ROBO1: variants seen among roughly 807,000 people sequenced by gnomAD.
ROBO1 encodes the protein roundabout guidance receptor 1, also known as roundabout homolog 1.
In ROBO1, 149 loss-of-function variants were observed where a neutral mutation model predicts 195.9. The ratio of observed to expected loss-of-function variants is 0.76; its 90% CI spans 0.67 to 0.87. The LOEUF is 0.87. ROBO1 is among the 40% of genes least tolerant of loss of function. The pLI, the probability that ROBO1 is intolerant of heterozygous loss-of-function variation, is 0.00. For synonymous variants in ROBO1, 816 were observed against 733.2 expected (o/e 1.11, Z -1.82); for missense variants, 1,933 against 2,068.3 (o/e 0.93, Z 1.27).
At chr3:78,799,772 A>C (rs2084307972) in intron 4 of ROBO1, among the ~76,000 whole-genome samples, 1 of 152,024 alleles carries the variant, frequency 6.6e-6, no homozygotes, top group Non-Finnish European at 1.5e-5. Flanking sequence ...CCTTCACTCA[A>C]GATTTTCTTG....
chr3:78,915,179 T>A (rs1464248550), intron 4 of ROBO1, among the ~76,000 whole-genome samples: 1 of 152,098 alleles, frequency 6.6e-6, no homozygotes, highest in Non-Finnish European at 1.5e-5. Flanking sequence ...AACACAATGC[T>A]CAAATATATG....
At chr3:79,412,370 T>G (rs967453432) in intron 2 of ROBO1, among the ~76,000 whole-genome samples, 10 of 152,278 alleles carry the variant, frequency 6.6e-5, no homozygotes, top group African/African-American at 2.4e-4. Context: ...TTGTCAACAT[T>G]TCTCATAACA....
At chr3:79,640,170 A>G (rs79912751) in intron 1 of ROBO1, among the ~76,000 whole-genome samples, 5,040 of 152,210 alleles carry the variant, frequency 0.033, 123 homozygotes, top group African/African-American at 0.057. Context: ...AGAAATCAGG[A>G]GAAATTTGAG....
chr3:79,071,252 C>A (rs1018079311), intron 3 of ROBO1, among the ~76,000 whole-genome samples: 16 of 151,700 alleles, frequency 1.1e-4, no homozygotes, highest in African/African-American at 3.9e-4. Context: ...ATTTTCATAT[C>A]CAAACATTTG....
chr3:78,644,833 G>A (rs1238311846), intron 21 of ROBO1, among the ~76,000 whole-genome samples: 1 of 152,188 alleles, frequency 6.6e-6, no homozygotes, highest in East Asian at 1.9e-4. Context: ...ACAGAGGCTA[G>A]TGAAGAACAT....
At chr3:79,165,359 G>C (rs867530552) in intron 2 of ROBO1, among the ~76,000 whole-genome samples, 2 of 152,274 alleles carry the variant, frequency 1.3e-5, no homozygotes, top group Middle Eastern at 3.4e-3. Flanking sequence ...TTTCCTATGA[G>C]ACATTTTGCA....
intron 4 of ROBO1, among the ~76,000 whole-genome samples, chr3:78,806,964 C>T (rs1339988745): frequency 6.6e-6 from 1 of 152,058 alleles, no homozygotes; most frequent in Non-Finnish European, 1.5e-5. Context: ...TACACCACCA[C>T]ACCTGGCTAA....
chr3:79,138,710 G>GA (rs1230372691), intron 2 of ROBO1, among the ~76,000 whole-genome samples: 1 of 151,486 alleles, frequency 6.6e-6, no homozygotes, highest in Non-Finnish European at 1.5e-5. Context: ...ACTAAAAACT[G>GA]AAAAAAATTA....
intron 2 of ROBO1, among the ~76,000 whole-genome samples, chr3:79,392,143 G>A (rs1219593427): frequency 6.6e-6 from 1 of 152,170 alleles, no homozygotes; most frequent in Non-Finnish European, 1.5e-5. Context: ...GGGATCCTCT[G>A]AGAATGTGTC....
At chr3:79,545,997 C>A (rs1484886774) in intron 2 of ROBO1, among the ~76,000 whole-genome samples, 1 of 151,942 alleles carries the variant, frequency 6.6e-6, no homozygotes, top group African/African-American at 2.4e-5. Context: ...ACCAACACCC[C>A]CTTTTTCTCT....
intron 2 of ROBO1, among the ~76,000 whole-genome samples, chr3:79,217,568 T>TG (rs1163358146): frequency 6.6e-6 from 1 of 152,038 alleles, no homozygotes; most frequent in Non-Finnish European, 1.5e-5. Context: ...TCCTATAGAC[T>TG]GGCATCTTGG....
chr3:78,901,637 G>A (rs2037593716), intron 4 of ROBO1, among the ~76,000 whole-genome samples: 1 of 152,172 alleles, frequency 6.6e-6, no homozygotes, highest in South Asian at 2.1e-4. Context: ...TGCAGTGGGA[G>A]TAATGTGTCT....
At chr3:79,594,588 A>C (rs1333009917) in intron 1 of ROBO1, among the ~76,000 whole-genome samples, 1 of 152,030 alleles carries the variant, frequency 6.6e-6, no homozygotes, top group African/African-American at 2.4e-5. Context: ...ATGTAAATTC[A>C]AATTGTTCCA....
chr3:78,950,863 A>G (rs1264452190), intron 3 of ROBO1, among the ~76,000 whole-genome samples: 1 of 151,914 alleles, frequency 6.6e-6, no homozygotes, highest in East Asian at 1.9e-4. Flanking sequence ...ATCTTCTCCA[A>G]ATATGAGCTT....
chr3:79,228,125 T>A (rs2082259282), intron 2 of ROBO1, among the ~76,000 whole-genome samples: 1 of 152,102 alleles, frequency 6.6e-6, no homozygotes, highest in South Asian at 2.1e-4. Context: ...CCAAAAACTT[T>A]AGTACCACTG....
intron 2 of ROBO1, among the ~76,000 whole-genome samples, chr3:79,223,421 G>A (rs190204223): frequency 1.2e-4 from 19 of 152,198 alleles, no homozygotes; most frequent in Non-Finnish European, 7.4e-5. Flanking sequence ...AAAAGCTAGA[G>A]GAAACTGCCC....
intron 2 of ROBO1, among the ~76,000 whole-genome samples, chr3:79,227,493 T>A (rs150347815): frequency 6.6e-6 from 1 of 152,192 alleles, no homozygotes; most frequent in African/African-American, 2.4e-5. Context: ...CCAGCCAAAC[T>A]CTTGACACTC....
chr3:78,818,109 T>C (rs1292645031), intron 4 of ROBO1, among the ~76,000 whole-genome samples: 1 of 152,186 alleles, frequency 6.6e-6, no homozygotes, highest in East Asian at 1.9e-4. Flanking sequence ...GTTGCAGTAC[T>C]TTCTCCTACC....
At chr3:78,790,341 G>A (rs1439573897) in intron 4 of ROBO1, among the ~76,000 whole-genome samples, 3 of 151,932 alleles carry the variant, frequency 2.0e-5, no homozygotes. Flanking sequence ...TGGATACATA[G>A]TAGGTACATA....
Sources: allele counts gnomAD v4.1 joint callset (sites outside exome capture counted in the v4.1 genomes callset), GRCh38; gene constraint gnomAD v4.1.1; transcripts MANE v1.5; gene names NCBI Gene and HGNC (gene_info 2026-07-23, HGNC 2026-07-21).